The following SENP2 variants were observed in gnomAD, a reference collection of about 807,000 sequenced individuals.
SENP2 encodes sentrin-specific protease 2.
Under a neutral mutation model 86.3 loss-of-function variants are expected in SENP2, and 16 were observed. The observed-to-expected ratio is 0.19, with a 90% CI of 0.13 to 0.28. The LOEUF (loss-of-function observed/expected upper bound fraction) is 0.28, where lower values mean the gene tolerates loss of function less well. SENP2 is among the 10% of genes least tolerant of loss of function. The pLI, the probability that SENP2 is intolerant of heterozygous loss-of-function variation, is 1.00. For synonymous variants in SENP2, 222 were observed against 238.7 expected, an observed-to-expected ratio of 0.93 and a Z score of 0.64; for missense variants, 552 against 703.0, an observed-to-expected ratio of 0.79 and a Z score of 2.43.
At chr3:185,600,599 G>A (rs562741113) in intron 4 of SENP2, among the ~76,000 whole-genome samples, 166 bp from the exon 5 acceptor site, 1 of 152,100 alleles carries the variant, frequency 6.6e-6, no homozygotes. Context: ...TTCCTTTAAC[G>A]TCTACAAAAT....
At position 185,587,570 on chromosome 3, in the gene SENP2, A is replaced by ATTTTTTTTTTTTTTTTTTTTTTTTT. The variant is rs398052522; in HGVS notation, c.101+1070_101+1071insTTTTTTTTTTTTTTTTTTTTTTTTT. 9.1e-4 allele frequency among the ~76,000 whole-genome samples: 108 copies of ATTTTTTTTTTTTTTTTTTTTTTTTT among 118,794 alleles called. 11 individuals are homozygous for ATTTTTTTTTTTTTTTTTTTTTTTTT. The highest frequency in any genetic ancestry group is 4.9e-3 in the East Asian group (19 of 3,908). The allele number at this position is 118,794 out of a possible 152,430, so 77.9% of individuals were successfully genotyped here. On this transcript the variant is annotated intron_variant, in intron 1 of 16. Transcript: ENST00000296257. Reference sequence around the variant, plus strand: ...CTTCAACTTTAGTGATCAAGTGTTAATTTTTTTTTTTTTTGAGAAGGAGTC... The same window carrying ATTTTTTTTTTTTTTTTTTTTTTTTT: ...CTTCAACTTTAGTGATCAAGTGTTAATTTTTTTTTTTTTTTTTTTTTTTTTTTTTTTTTTTTTTTGAGAAGGAGTC...
At chr3:185,587,752 T>TTTTTTTTTTGGG (rs1721840463) in intron 1 of SENP2, among the ~76,000 whole-genome samples, 1 of 141,230 alleles carries the variant, frequency 7.1e-6, no homozygotes, top group Non-Finnish European at 1.5e-5. Context: ...TTTTTTTTTT[T>TTTTTTTTTTGGG]GAGACAGAGT....
At chr3:185,624,904 G>A (rs985721802) in intron 15 of SENP2, among the ~76,000 whole-genome samples, 1 of 151,780 alleles carries the variant, frequency 6.6e-6, no homozygotes, top group Non-Finnish European at 1.5e-5. Context: ...TGAAGGATAA[G>A]CTTTGAAATT....
chr3:185,623,339 C>T (rs1001236746), intron 14 of SENP2, among the ~76,000 whole-genome samples: 7 of 151,668 alleles, frequency 4.6e-5, no homozygotes, highest in African/African-American at 1.7e-4. Context: ...GAGGTTTCTC[C>T]ATTTTGGTCA....
Position 185,629,902 on chromosome 3 carries a change from A to G in SENP2, c.*58A>G. On this transcript the variant is annotated 3_prime_UTR_variant, in exon 17 of 17. Coordinates refer to ENST00000296257, the MANE Select transcript of SENP2 (RefSeq NM_021627.3). The stretch of plus-strand genomic sequence containing the variant: ...GGTTCTTTCACAGACATTTCCATAT[A>G]CCTCATGCATTGTGGGTTAAAAAGT... 6.5e-7 allele frequency: 1 copy of G among 1,530,028 alleles called. No individual in the cohort carries two copies. Among genetic ancestry groups the G allele is most frequent in the Non-Finnish European group, 9.1e-7 (1 of 1,104,200 alleles). 94.8% of individuals were successfully genotyped at this position (1,530,028 alleles called of 1,614,324 possible). A position where few individuals can be genotyped will look rare whatever the true frequency, so the allele number is the denominator to read the frequency against.
chr3:185,632,000 C>T lies in SENP2; in HGVS notation c.*2156C>T, dbSNP rs781759524. 2 of 151,622 alleles carry T rather than the reference C, an allele frequency of 1.3e-5. No homozygotes were observed. Among genetic ancestry groups the T allele is most frequent in the African/African-American group, 2.4e-5 (1 of 41,284 alleles). 9.4% of individuals were successfully genotyped at this position (151,622 alleles called of 1,614,324 possible). Reference sequence around the variant, plus strand: ...CAGAGTGTTGAAGTCTATAGCATGGCCTTCTGCTTGACCCTGAGTTCCTGA... The same window carrying T: ...CAGAGTGTTGAAGTCTATAGCATGGTCTTCTGCTTGACCCTGAGTTCCTGA... On this transcript the variant is annotated 3_prime_UTR_variant, in exon 17 of 17. Transcript: ENST00000296257.
At chr3:185,595,028 C>G (rs1184486498) in intron 2 of SENP2, among the ~76,000 whole-genome samples, 1 of 152,078 alleles carries the variant, frequency 6.6e-6, no homozygotes, top group African/African-American at 2.4e-5. Flanking sequence ...CTGGCTCAGG[C>G]TCATGACCTT....
At chr3:185,602,153 C>G (rs1336807046) in intron 5 of SENP2, among the ~76,000 whole-genome samples, 1 of 152,086 alleles carries the variant, frequency 6.6e-6, no homozygotes, top group Non-Finnish European at 1.5e-5. Flanking sequence ...CCGTCTCCCT[C>G]CATGTTTGTT....
chr3:185,587,980 C>T (rs939772140), intron 1 of SENP2, among the ~76,000 whole-genome samples: 15 of 149,026 alleles, frequency 1.0e-4, no homozygotes, highest in Non-Finnish European at 4.4e-5. Flanking sequence ...ACCTCGTGAT[C>T]CACCCGCCTC....
chr3:185,621,871 G>A lies in SENP2; in HGVS notation c.1492G>A (p.Gly498Arg). 1.9e-6 allele frequency: 3 copies of A among 1,611,956 alleles called. No homozygotes were observed. The highest frequency in any genetic ancestry group is 2.5e-6 in the Non-Finnish European group (3 of 1,178,524). ...GTGTCTTAAATATCTGGATTCTATG[G>A]GACAAAAGGGCCACAGGATCTGTGA... is the stretch of plus-strand genomic sequence containing the variant. ...KKCLKYLDSM[G>R]QKGHRICEIL... The change falls in exon 14 of 17, where the codon GGA becomes AGA. Residue 498 changes from glycine to arginine, a missense_variant. Gly to Arg is a moderately radical substitution (Grantham distance 125). Around this residue, in one of 2 missense-constraint regions of SENP2, gnomAD observed 169 missense variants for 275.7 expected, o/e 0.61. Coordinates refer to ENST00000296257, the MANE Select transcript of SENP2 (RefSeq NM_021627.3).
At chr3:185,600,189 G>A (rs1424464795) in intron 4 of SENP2, among the ~76,000 whole-genome samples, 1 of 152,132 alleles carries the variant, frequency 6.6e-6, no homozygotes, top group East Asian at 1.9e-4. Context: ...GTTTAGAATT[G>A]TTTACCGTTA....
intron 2 of SENP2, among the ~76,000 whole-genome samples, chr3:185,596,665 G>A (rs1722183727): frequency 1.3e-5 from 2 of 151,622 alleles, no homozygotes; most frequent in South Asian, 4.2e-4. Flanking sequence ...ACTTAGCCAA[G>A]CTATAATACG....
chr3:185,615,357 T>C (rs1406208963), intron 11 of SENP2, among the ~76,000 whole-genome samples: 1 of 152,192 alleles, frequency 6.6e-6, no homozygotes, highest in Non-Finnish European at 1.5e-5. Context: ...AATTTCTTTT[T>C]TTTGAGACAG....
chr3:185,619,366 T>G lies in SENP2; in HGVS notation c.1310T>G (p.Val437Gly). 2 of 1,613,952 alleles carry G rather than the reference T, an allele frequency of 1.2e-6. No homozygotes were observed. Among genetic ancestry groups the G allele is most frequent in the Non-Finnish European group, 1.7e-6 (2 of 1,179,804 alleles). Residue 437 changes from valine (V) to glycine (G), a missense_variant, in exon 13 of 17, where the codon GTA becomes GGA. This residue lies in a region of SENP2 where 169 missense variants were observed against 275.7 expected (regional missense o/e 0.61). Transcript: ENST00000296257. ...NKKQGYPALH[V>G]FSTFFYPKLK... ...AAGCAAGGCTATCCAGCACTTCATG[T>G]ATTCAGTACTTTCTTCTATCCTAAA...
chr3:185,597,028 AT>A (rs151246045), intron 2 of SENP2, among the ~76,000 whole-genome samples: 5 of 151,378 alleles, frequency 3.3e-5, no homozygotes, highest in Admixed American at 6.6e-5. Flanking sequence ...TAATTTTTGT[AT>A]TTTTTTTAGA....
intron 10 of SENP2, among the ~76,000 whole-genome samples, chr3:185,614,140 C>CA (rs1711511507): frequency 6.6e-6 from 1 of 152,078 alleles, no homozygotes; most frequent in Non-Finnish European, 1.5e-5. Context: ...TCTGTAATAT[C>CA]AAATGACTTT....
chr3:185,614,608 G>A lies in SENP2; in HGVS notation c.978G>A (p.Ser326=), dbSNP rs765946325. Residue 326 remains serine (S), a synonymous_variant, in exon 11 of 17, where the codon TCG becomes TCA. Transcript: ENST00000296257. The part of the protein sequence containing the change: ...QLEPDLSEEV[S]ARLRLGSGSN... ...AGCCTGACCTATCAGAAGAAGTGTC[G>A]GCCCGACTCCGCCTGGGCAGTGGAA... 1.2e-5 allele frequency: 20 copies of A among 1,613,988 alleles called. No individual in the cohort carries two copies. Among genetic ancestry groups the A allele is most frequent in the South Asian group, 4.4e-5 (4 of 91,080 alleles).
chr3:185,610,585 T>C (rs538762925), intron 7 of SENP2, among the ~76,000 whole-genome samples: 2 of 152,264 alleles, frequency 1.3e-5, no homozygotes, highest in Non-Finnish European at 2.9e-5. Flanking sequence ...ACCAGCCATA[T>C]GTTGGAAACA....
chr3:185,617,055 A>G (rs758821547), intron 11 of SENP2, among the ~76,000 whole-genome samples: 72 of 152,208 alleles, frequency 4.7e-4, no homozygotes, highest in Non-Finnish European at 9.3e-4. Context: ...AATTGAGACT[A>G]TACTTTAGAT....
Sources: allele counts gnomAD v4.1 joint callset (sites outside exome capture counted in the v4.1 genomes callset), GRCh38; gene constraint gnomAD v4.1.1; regional missense constraint gnomAD v4.1.1; transcripts MANE v1.5; gene names NCBI Gene and HGNC (gene_info 2026-07-23, HGNC 2026-07-21).